The following MDFIC variants were observed in gnomAD, a reference collection of about 807,000 sequenced individuals.
The protein encoded by MDFIC is MyoD family inhibitor domain containing.
A neutral mutation model predicts 23.2 loss-of-function variants in MDFIC; 17 were observed. The observed-to-expected ratio is 0.73, with a 90% CI of 0.50 to 1.10. The LOEUF (loss-of-function observed/expected upper bound fraction) is 1.10. Ranked by LOEUF, MDFIC falls within the 50% of genes least tolerant of loss-of-function variation. The probability of loss-of-function intolerance (pLI) is 0.00; values close to 1 mark genes in which losing one functional copy is unlikely to be tolerated. For synonymous variants in MDFIC, 120 were observed against 115.2 expected (o/e 1.04, Z -0.27); for missense variants, 356 against 316.6 (o/e 1.12, Z -0.95).
intron 2 of MDFIC, among the ~76,000 whole-genome samples, chr7:114,927,139 C>T (rs956614325): frequency 6.6e-6 from 1 of 152,210 alleles, no homozygotes; most frequent in East Asian, 1.9e-4. Flanking sequence ...AAACTGCTAT[C>T]CTTGAGGCAA....
At chr7:114,979,904 G>T (rs1333455948) in intron 4 of MDFIC, 123 bp downstream of exon 4, 3 of 1,229,452 alleles carry the variant, frequency 2.4e-6, no homozygotes, top group Non-Finnish European at 3.5e-6. Context: ...CAGGAATTTT[G>T]GTAAAATGCA....
intron 3 of MDFIC, among the ~76,000 whole-genome samples, chr7:114,962,042 G>T (rs1329753295): frequency 1.3e-5 from 2 of 152,132 alleles, no homozygotes; most frequent in Non-Finnish European, 2.9e-5. Flanking sequence ...ATTCTGAATT[G>T]CAAGGCATAA....
intron 4 of MDFIC, among the ~76,000 whole-genome samples, chr7:114,993,961 C>G (rs1456897763): frequency 1.3e-5 from 2 of 152,102 alleles, no homozygotes; most frequent in East Asian, 3.9e-4. Context: ...TTAAGGTCTC[C>G]CATTATTATT....
intron 3 of MDFIC, among the ~76,000 whole-genome samples, chr7:114,953,888 GAA>G (rs549404872): frequency 1.3e-5 from 2 of 152,060 alleles, no homozygotes; most frequent in Non-Finnish European, 2.9e-5. Context: ...AATAATTAAA[GAA>G]AAAAAGTTTG....
intron 3 of MDFIC, among the ~76,000 whole-genome samples, chr7:114,958,610 G>T (rs1792927822): frequency 6.6e-6 from 1 of 152,098 alleles, no homozygotes; most frequent in Non-Finnish European, 1.5e-5. Context: ...AATTAGCCGG[G>T]CGTGGTGGTG....
At chr7:114,928,523 G>A (rs1393577377) in intron 2 of MDFIC, among the ~76,000 whole-genome samples, 1 of 152,196 alleles carries the variant, frequency 6.6e-6, no homozygotes, top group Non-Finnish European at 1.5e-5. Flanking sequence ...CAGTTCTGTG[G>A]AGATAAGTGG....
At chr7:114,988,780 A>G (rs1179524535) in intron 4 of MDFIC, among the ~76,000 whole-genome samples, 1 of 152,204 alleles carries the variant, frequency 6.6e-6, no homozygotes, top group Non-Finnish European at 1.5e-5. Flanking sequence ...GCATTTGGAA[A>G]TATACAAATG....
At chr7:114,925,498 G>T (rs1188164890) in intron 2 of MDFIC, among the ~76,000 whole-genome samples, 3 of 152,086 alleles carry the variant, frequency 2.0e-5, no homozygotes, top group African/African-American at 7.2e-5. Flanking sequence ...GTTCTGCAAG[G>T]CTTTCTATTG....
chr7:114,952,199 C>G (rs1792791469), intron 3 of MDFIC, among the ~76,000 whole-genome samples: 1 of 152,194 alleles, frequency 6.6e-6, no homozygotes, highest in Non-Finnish European at 1.5e-5. Flanking sequence ...TACTCACAAA[C>G]ATGAGAATCT....
intron 3 of MDFIC, among the ~76,000 whole-genome samples, chr7:114,963,523 C>G (rs1016211252): frequency 2.0e-5 from 3 of 152,164 alleles, no homozygotes; most frequent in Non-Finnish European, 4.4e-5. Flanking sequence ...TTGATATTCT[C>G]TCTGCCAGTA....
intron 4 of MDFIC, chr7:115,014,557 CTT>C (rs1791755255): frequency 7.9e-7 from 1 of 1,269,096 alleles, no homozygotes; most frequent in South Asian, 1.3e-5. Flanking sequence ...GTTGTTGTGT[CTT>C]ATCGCTATTG....
At chr7:114,965,864 AC>A (rs1407692848) in intron 3 of MDFIC, among the ~76,000 whole-genome samples, 2 of 152,144 alleles carry the variant, frequency 1.3e-5, no homozygotes, top group African/African-American at 4.8e-5. Context: ...TTGTATTCTG[AC>A]ACTATTTCTT....
chr7:114,935,542 G>C (rs1383363218), intron 2 of MDFIC, among the ~76,000 whole-genome samples: 2 of 125,496 alleles, frequency 1.6e-5, no homozygotes, highest in Admixed American at 1.6e-4. Flanking sequence ...GTTTTTTTTT[G>C]GTTTGTGAGT....
At chr7:114,987,670 T>C (rs908779051) in intron 4 of MDFIC, among the ~76,000 whole-genome samples, 3 of 152,096 alleles carry the variant, frequency 2.0e-5, no homozygotes, top group African/African-American at 7.2e-5. Context: ...AATTGAAAAA[T>C]AGTAATACAA....
intron 4 of MDFIC, chr7:115,014,137 T>G (rs972287656): frequency 5.1e-6 from 5 of 985,324 alleles, no homozygotes; most frequent in Non-Finnish European, 6.0e-6. Flanking sequence ...TATGACTTTG[T>G]GTTTCCACAT....
intron 3 of MDFIC, among the ~76,000 whole-genome samples, chr7:114,955,879 C>T (rs1239725762): frequency 6.6e-6 from 1 of 152,052 alleles, no homozygotes; most frequent in Non-Finnish European, 1.5e-5. Flanking sequence ...ATTGCTCTAA[C>T]CTGGGCTATC....
intron 4 of MDFIC, among the ~76,000 whole-genome samples, chr7:114,997,385 G>A (rs1444471737): frequency 6.6e-6 from 1 of 151,748 alleles, no homozygotes; most frequent in Non-Finnish European, 1.5e-5. Context: ...TGGTGTTGTA[G>A]GGGAGTGTAT....
Position 115,015,968 on chromosome 7 carries a change from A to G in MDFIC, c.*33A>G, listed in dbSNP as rs1415106153. Reference sequence around the variant, plus strand: ...TCTTTTGTTTGTGTTAAAACTGGAGAGTGTTTAAAAATTTCCTTTTGGGGG... The same window carrying G: ...TCTTTTGTTTGTGTTAAAACTGGAGGGTGTTTAAAAATTTCCTTTTGGGGG... On this transcript the variant is annotated 3_prime_UTR_variant, in exon 5 of 5. Coordinates refer to ENST00000393486, the MANE Select transcript of MDFIC (RefSeq NM_001166345.3). 2.5e-6 allele frequency: 4 copies of G among 1,585,186 alleles called. No homozygotes were observed. The South Asian group carries it at 3.4e-5, about 14-fold the overall frequency.
At chr7:114,954,230 C>G (rs1170824999) in intron 3 of MDFIC, among the ~76,000 whole-genome samples, 1 of 152,178 alleles carries the variant, frequency 6.6e-6, no homozygotes, top group Non-Finnish European at 1.5e-5. Context: ...CTCATTTCTC[C>G]CTGTCCTTTT....
Sources: allele counts gnomAD v4.1 joint callset (sites outside exome capture counted in the v4.1 genomes callset), GRCh38; gene constraint gnomAD v4.1.1; transcripts MANE v1.5; gene names NCBI Gene and HGNC (gene_info 2026-07-23, HGNC 2026-07-21).